Variants in SPACA6 observed in about 807,000 individuals in gnomAD.
SPACA6 encodes the protein sperm acrosome associated 6.
For missense variants in SPACA6, 8 were observed against 2.8 expected, an observed-to-expected ratio of 2.88 and a Z score of -1.34; for synonymous variants, 6 against 1.5, an observed-to-expected ratio of 4.05 and a Z score of -2.21.
At chr19:51,708,743 C>T (rs2083528072), downstream of SPACA6, among the ~76,000 whole-genome samples, 1 of 152,080 alleles carries the variant, frequency 6.6e-6, no homozygotes, top group Admixed American at 6.5e-5. Flanking sequence ...ACGAGAATTG[C>T]TTGAACCTGG....
Position 51,705,087 on chromosome 19 carries a change from C to T in SPACA6, c.942-3C>T, listed in dbSNP as rs946673890. 1.7e-5 allele frequency: 7 copies of T among 401,224 alleles called. No homozygotes were observed. Among genetic ancestry groups the T allele is most frequent in the African/African-American group, 1.4e-4 (7 of 48,696 alleles). 24.9% of individuals were successfully genotyped at this position (401,224 alleles called of 1,614,324 possible). A position where few individuals can be genotyped will look rare whatever the true frequency, so the allele number is the denominator to read the frequency against. ...TAACACACATACCTCTTTGTTTCCC[C>T]AGGATGTTCTTTCGATGGTACTGCA... On this transcript the variant is annotated splice_polypyrimidine_tract_variant and splice_region_variant and intron_variant, in intron 8 of 8. Coordinates refer to ENST00000637797, the MANE Select transcript of SPACA6 (RefSeq NM_001316972.2).
chr19:51,696,986 C>T (rs1163443052), intron 2 of SPACA6, among the ~76,000 whole-genome samples: 4 of 152,124 alleles, frequency 2.6e-5, no homozygotes, highest in Admixed American at 6.5e-5. Flanking sequence ...ACAGGGGGTT[C>T]TCAAGCCCCA....
chr19:51,700,632 T>G (rs375356053), intron 2 of SPACA6, among the ~76,000 whole-genome samples: 1 of 152,194 alleles, frequency 6.6e-6, no homozygotes, highest in Admixed American at 6.5e-5. Context: ...TACAAATACT[T>G]ACTGAGCACT....
chr19:51,702,955 A>T (rs1418263047), intron 4 of SPACA6, 66 bp from the exon 5 acceptor site: 2 of 398,978 alleles, frequency 5.0e-6, no homozygotes, highest in Non-Finnish European at 8.8e-6. Flanking sequence ...ATGGATCTCA[A>T]ATGGGCCAAG....
downstream of SPACA6, among the ~76,000 whole-genome samples, chr19:51,708,970 C>G (rs1242863926): frequency 6.6e-6 from 1 of 152,024 alleles, no homozygotes; most frequent in Non-Finnish European, 1.5e-5. Flanking sequence ...GCCAGTGTAG[C>G]TGGAACAGGG....
Position 51,704,158 on chromosome 19 carries a change from C to A in SPACA6, c.702C>A (p.Pro234=), listed in dbSNP as rs908602164. The A allele has an allele frequency of 1.3e-4, 53 of 401,172 alleles. 1 individual carries two copies. In the Admixed American group the frequency reaches 2.2e-3, roughly 17 times the overall value. 24.9% of individuals were successfully genotyped at this position (401,172 alleles called of 1,614,324 possible). A position where few individuals can be genotyped will look rare whatever the true frequency, so the allele number is the denominator to read the frequency against. Residue 234 remains proline, a synonymous_variant, in exon 7 of 9, where the codon CCC becomes CCA. Coordinates refer to ENST00000637797, the MANE Select transcript of SPACA6 (RefSeq NM_001316972.2). ...FSCVIKQDQR[P]LARLYFFLNV... is the part of the protein sequence containing the mutation. ...GCGTGATCAAGCAAGACCAGCGCCC[C>A]CTGGCCCGGCTCTACTTCTTTCTTA...
chr19:51,708,358 A>G (rs990972247), downstream of SPACA6, among the ~76,000 whole-genome samples: 6 of 75,956 alleles, frequency 7.9e-5, no homozygotes, highest in African/African-American at 2.7e-4. Context: ...ATAAGAAAAC[A>G]GTAAAATACG....
chr19:51,692,703 G>C (rs2083385317), upstream of SPACA6: 1 of 533,458 alleles, frequency 1.9e-6, no homozygotes, highest in African/African-American at 1.9e-5. The surrounding 1 kb of genome is among the most constrained non-coding windows in gnomAD (Gnocchi z 5.6). Flanking sequence ...ATCGCGGCTG[G>C]GGCCTCCCCG....
intron 2 of SPACA6, among the ~76,000 whole-genome samples, chr19:51,700,496 T>C (rs1346210814): frequency 6.6e-6 from 1 of 152,232 alleles, no homozygotes; most frequent in Admixed American, 6.5e-5. Context: ...AAATTTTATA[T>C]GTTGGCAACT....
At chr19:51,702,878 G>C (rs1286436344) in intron 4 of SPACA6, 143 bp from the exon 5 acceptor site, 1 of 398,840 alleles carries the variant, frequency 2.5e-6, no homozygotes, top group Non-Finnish European at 4.4e-6. Context: ...AGGAGTGAGA[G>C]TCGGCCAAAG....
chr19:51,693,264 T>C (rs745390538), upstream of SPACA6: 3 of 720,504 alleles, frequency 4.2e-6, no homozygotes, highest in Non-Finnish European at 7.9e-6. Flanking sequence ...TGCCAGTCTC[T>C]AGGTCCCTGA....
At chr19:51,702,937 G>GA (rs1402375259) in intron 4 of SPACA6, 84 bp from the exon 5 acceptor site, 1 of 399,046 alleles carries the variant, frequency 2.5e-6, no homozygotes, top group Non-Finnish European at 4.4e-6. Flanking sequence ...TGGACCCCGG[G>GA]AAGCTGCATG....
chr19:51,695,760 C>A (rs750215331), intron 2 of SPACA6, among the ~76,000 whole-genome samples: 8 of 152,148 alleles, frequency 5.3e-5, no homozygotes, highest in Non-Finnish European at 1.2e-4. Flanking sequence ...GCATGGGGGA[C>A]AAACTTGGAG....
chr19:51,698,165 C>T (rs940022170), intron 2 of SPACA6, among the ~76,000 whole-genome samples: 8 of 152,102 alleles, frequency 5.3e-5, no homozygotes, highest in African/African-American at 1.9e-4. Context: ...GTCACTTGGC[C>T]AAGGTCGCAT....
intron 8 of SPACA6, 66 bp downstream of exon 8, chr19:51,704,546 T>G (rs1285778919): frequency 2.5e-6 from 1 of 400,270 alleles, no homozygotes; most frequent in Non-Finnish European, 4.4e-6. Context: ...CACCGAGAAG[T>G]CTGGGTTCCC....
upstream of SPACA6, chr19:51,686,502 A>C (rs2083328909): frequency 1.3e-5 from 2 of 152,242 alleles, no homozygotes; most frequent in African/African-American, 4.8e-5. Flanking sequence ...GTAGAATGAC[A>C]GTAACTCTAG....
chr19:51,709,360 A>C (rs1400634161), downstream of SPACA6, among the ~76,000 whole-genome samples: 1 of 151,910 alleles, frequency 6.6e-6, no homozygotes, highest in East Asian at 1.9e-4. Flanking sequence ...TCTCCTAAAA[A>C]TAAAAAATTA....
chr19:51,707,035 T>C (rs1478042565), downstream of SPACA6, among the ~76,000 whole-genome samples: 3 of 152,236 alleles, frequency 2.0e-5, no homozygotes, highest in African/African-American at 7.2e-5. Flanking sequence ...TACTCATTCT[T>C]GTTCACTGGT....
the SPACA6 span, among the ~76,000 whole-genome samples, chr19:51,683,244 C>T: frequency 6.6e-6 from 1 of 152,064 alleles, no homozygotes; most frequent in Admixed American, 6.6e-5. Context: ...ATCACATGGC[C>T]TTCTTCCCAA....
Sources: gnomAD v4.1 joint callset for allele counts (sites outside exome capture counted in the v4.1 genomes callset) on GRCh38, gnomAD v4.1.1 for gene constraint, Gnocchi (gnomAD v3.1) non-coding constraint, MANE v1.5 for transcripts, NCBI Gene and HGNC (gene_info 2026-07-23, HGNC 2026-07-21) for gene names.